The following TTC28 variants were observed in gnomAD, a reference collection of about 807,000 sequenced individuals.
TTC28 encodes the protein tetratricopeptide repeat protein 28.
Under a neutral mutation model 198.0 loss-of-function variants are expected in TTC28, and 61 were observed. The ratio of observed to expected loss-of-function variants is 0.31; its 90% CI spans 0.25 to 0.38. The LOEUF (loss-of-function observed/expected upper bound fraction) is 0.38, where lower values mean the gene tolerates loss of function less well. Among genes scored for constraint, TTC28 ranks in the 10% least tolerant of loss-of-function variants. The probability of loss-of-function intolerance (pLI) is 1.00; values close to 1 mark genes in which losing one functional copy is unlikely to be tolerated. For synonymous variants in TTC28, 1,171 were observed against 1,297.8 expected, an observed-to-expected ratio of 0.90 and a Z score of 2.10; for missense variants, 2,678 against 3,164.0, an observed-to-expected ratio of 0.85 and a Z score of 3.69.
chr22:28,428,953 A>T (rs1186501859), intron 2 of TTC28, among the ~76,000 whole-genome samples: 2 of 152,222 alleles, frequency 1.3e-5, no homozygotes, highest in South Asian at 2.1e-4. Flanking sequence ...TTCATGAATT[A>T]TTAAAAAGCT....
chr22:28,514,574 T>C (rs1008625503), intron 2 of TTC28, among the ~76,000 whole-genome samples: 9 of 152,236 alleles, frequency 5.9e-5, no homozygotes, highest in Non-Finnish European at 8.8e-5. Flanking sequence ...ACACGGAGTG[T>C]TCACTCTTGG....
intron 2 of TTC28, among the ~76,000 whole-genome samples, chr22:28,391,635 A>G (rs988032512): frequency 6.6e-6 from 1 of 152,284 alleles, no homozygotes; most frequent in South Asian, 2.1e-4. Flanking sequence ...TGATTGCATC[A>G]GCTCCTGAGG....
rs80049318 is a variant in TTC28 at position 28,415,531 on chromosome 22, C to T, written c.382-108888G>A. Among the ~76,000 whole-genome samples, 328 of 152,246 alleles carry T rather than the reference C, an allele frequency of 2.2e-3. 2 individuals carry two copies. The highest frequency in any genetic ancestry group is 7.3e-3 in the African/African-American group (303 of 41,554). On this transcript the variant is annotated intron_variant, in intron 2 of 22. Transcript: ENST00000397906. Reference sequence around the variant, plus strand: ...ATCAAAAGGTAAATATGATTTGAAACGTCCTTTTAGAGATAGAATAATGTA... The same window carrying T: ...ATCAAAAGGTAAATATGATTTGAAATGTCCTTTTAGAGATAGAATAATGTA...
At chr22:28,289,140 C>G (rs1569241413) in intron 5 of TTC28, among the ~76,000 whole-genome samples, 1 of 152,010 alleles carries the variant, frequency 6.6e-6, no homozygotes, top group South Asian at 2.1e-4. Context: ...AGTAACTAAC[C>G]AAATATGAGA....
At chr22:28,584,041 TCATA>T (rs1316948765) in intron 2 of TTC28, among the ~76,000 whole-genome samples, 6 of 144,640 alleles carry the variant, frequency 4.1e-5, no homozygotes, top group African/African-American at 1.3e-4. Context: ...TTTGGCACAA[TCATA>T]GACAGCTGAC....
chr22:28,429,938 G>C (rs968827432), intron 2 of TTC28, among the ~76,000 whole-genome samples: 10 of 151,942 alleles, frequency 6.6e-5, no homozygotes, highest in African/African-American at 2.2e-4. Context: ...CTTCTTTGTG[G>C]GTTTATTCTC....
intron 2 of TTC28, among the ~76,000 whole-genome samples, chr22:28,612,576 G>A (rs1569059752): frequency 6.6e-6 from 1 of 152,096 alleles, no homozygotes; most frequent in East Asian, 1.9e-4. Flanking sequence ...TGACCACATA[G>A]TTGGAAGTAA....
In TTC28 at chr22:27,982,781, T is replaced by G. The variant is rs1411448124; in HGVS notation, c.6886A>C (p.Ser2296Arg). The G allele has an allele frequency of 3.2e-6, 5 of 1,548,308 alleles. No individual in the cohort carries two copies. Among genetic ancestry groups the G allele is most frequent in the Non-Finnish European group, 3.5e-6 (4 of 1,144,746 alleles). The change falls in exon 23 of 23, where the codon AGC becomes CGC. Residue 2296 changes from serine to arginine, a missense_variant. Physicochemically the swap from Ser to Arg is moderately radical, Grantham distance 110. This residue lies in a region of TTC28 where 622 missense variants were observed against 656.0 expected (regional missense o/e 0.95). Transcript: ENST00000397906. The surrounding 1 kb of genome is among the most constrained non-coding windows in gnomAD (Gnocchi z 5.2). Reference protein sequence around the residue: ...FKLKYPSSPYSAHISKSPRNM... With the variant: ...FKLKYPSSPYRAHISKSPRNM... ...CTTGGTGATTTGGAAATGTGAGCGC[T>G]GTAAGGAGAGCTGGGGTACTTCAGT...
chr22:28,125,504 C>T (rs1030145789), intron 6 of TTC28, among the ~76,000 whole-genome samples: 1 of 152,190 alleles, frequency 6.6e-6, no homozygotes, highest in African/African-American at 2.4e-5. Flanking sequence ...ATGCAACACC[C>T]CCAGCCATCA....
chr22:28,259,682 T>C (rs1330078596), intron 5 of TTC28, among the ~76,000 whole-genome samples: 1 of 152,132 alleles, frequency 6.6e-6, no homozygotes, highest in East Asian at 1.9e-4. Context: ...TTGTATTTTT[T>C]TTAAAAAGAA....
intron 13 of TTC28, among the ~76,000 whole-genome samples, chr22:28,016,276 C>CAA (rs2146589843): frequency 6.6e-6 from 1 of 152,334 alleles, no homozygotes; most frequent in East Asian, 1.9e-4. Context: ...GAGTGACACT[C>CAA]AGAGGCTCAC....
intron 5 of TTC28, among the ~76,000 whole-genome samples, chr22:28,202,155 C>G (rs1016057521): frequency 1.3e-5 from 2 of 152,074 alleles, no homozygotes; most frequent in African/African-American, 2.4e-5. Context: ...AGTCTAACTT[C>G]AGAGCCCAGG....
intron 12 of TTC28, among the ~76,000 whole-genome samples, chr22:28,064,409 T>A (rs569930417): frequency 1.3e-5 from 2 of 152,238 alleles, no homozygotes; most frequent in East Asian, 1.9e-4. Context: ...CCAAGTGTGG[T>A]TTTATGACTC....
chr22:28,212,533 T>C (rs1474865337), intron 5 of TTC28, among the ~76,000 whole-genome samples: 1 of 128,262 alleles, frequency 7.8e-6, no homozygotes, highest in Non-Finnish European at 1.7e-5. Context: ...CTAGAAGAAA[T>C]GGATAAATTC....
intron 5 of TTC28, among the ~76,000 whole-genome samples, chr22:28,209,370 G>A (rs1926700466): frequency 6.6e-6 from 1 of 152,172 alleles, no homozygotes; most frequent in African/African-American, 2.4e-5. Context: ...AAGGGGTCAG[G>A]GAATTCCCTT....
At chr22:28,238,764 T>C (rs759545582) in intron 5 of TTC28, among the ~76,000 whole-genome samples, 8 of 152,260 alleles carry the variant, frequency 5.3e-5, no homozygotes, top group Middle Eastern at 3.4e-3. Flanking sequence ...CAATAATTAT[T>C]TTTTGCCTGG....
At chr22:28,588,135 C>A (rs1214123121) in intron 2 of TTC28, among the ~76,000 whole-genome samples, 10 of 122,496 alleles carry the variant, frequency 8.2e-5, no homozygotes, top group African/African-American at 2.5e-4. Flanking sequence ...GAGGGAGACT[C>A]CGTCTCAAAA....
At chr22:28,474,707 A>G (rs960192399) in intron 2 of TTC28, among the ~76,000 whole-genome samples, 1 of 152,228 alleles carries the variant, frequency 6.6e-6, no homozygotes, top group Non-Finnish European at 1.5e-5. Context: ...CTCTAAGTAT[A>G]TAGCGCAGCC....
chr22:28,419,668 T>C (rs2047219350), intron 2 of TTC28, among the ~76,000 whole-genome samples: 1 of 152,246 alleles, frequency 6.6e-6, no homozygotes. Context: ...TATGTCTACA[T>C]GCTAATTAAA....
Sources: allele counts gnomAD v4.1 joint callset (sites outside exome capture counted in the v4.1 genomes callset), GRCh38; gene constraint gnomAD v4.1.1; regional missense constraint gnomAD v4.1.1; non-coding constraint Gnocchi (gnomAD v3.1); transcripts MANE v1.5; gene names NCBI Gene and HGNC (gene_info 2026-07-23, HGNC 2026-07-21).